The following GTF2IRD2B variants were observed in gnomAD, a reference collection of about 807,000 sequenced individuals.
GTF2IRD2B encodes the protein GTF2I repeat domain containing 2B, also known as general transcription factor II-I repeat domain-containing protein 2B.
In GTF2IRD2B, 10 loss-of-function variants were observed where a neutral mutation model predicts 55.6. That is an observed-to-expected ratio of 0.18 (90% confidence interval 0.11 to 0.31). GTF2IRD2B has a LOEUF of 0.31. Ranked by LOEUF, GTF2IRD2B falls within the 10% of genes least tolerant of loss-of-function variation. The pLI is 1.00. For synonymous variants in GTF2IRD2B, 107 were observed against 320.5 expected (o/e 0.33, Z 7.12); for missense variants, 206 against 802.7 (o/e 0.26, Z 8.98).
At chr7:75,127,391 C>T (rs1234614959) in intron 8 of GTF2IRD2B, among the ~76,000 whole-genome samples, 2 of 146,422 alleles carry the variant, frequency 1.4e-5, no homozygotes, top group Non-Finnish European at 3.0e-5. Context: ...ATCGCTTAAG[C>T]CCAGGAGGTT....
chr7:75,104,913 G>T (rs1415550247), intron 1 of GTF2IRD2B, among the ~76,000 whole-genome samples: 1 of 152,352 alleles, frequency 6.6e-6, no homozygotes, highest in African/African-American at 2.4e-5. Context: ...AAACAATACC[G>T]GCTGGGCGCG....
At chr7:75,135,102 T>A (rs1412261835) in intron 10 of GTF2IRD2B, 45 bp downstream of exon 10, 1 of 1,138,374 alleles carries the variant, frequency 8.8e-7, no homozygotes, top group African/African-American at 1.9e-5. Flanking sequence ...AAGAAAAGTT[T>A]ATAGAAGTTT....
At chr7:75,124,439 CA>C (rs1554452338) in intron 6 of GTF2IRD2B, among the ~76,000 whole-genome samples, 1 of 139,894 alleles carries the variant, frequency 7.1e-6, no homozygotes, top group Non-Finnish European at 1.6e-5. Flanking sequence ...AAGGAGACGG[CA>C]GGGGTGGGGG....
At chr7:75,103,456 G>A (rs1205500550) in intron 1 of GTF2IRD2B, among the ~76,000 whole-genome samples, 1 of 150,538 alleles carries the variant, frequency 6.6e-6, no homozygotes, top group Non-Finnish European at 1.5e-5. Context: ...GGTGTTCATT[G>A]TTAATTAATG....
At chr7:75,114,397 C>T (rs1808073243) in intron 3 of GTF2IRD2B, among the ~76,000 whole-genome samples, 1 of 151,090 alleles carries the variant, frequency 6.6e-6, no homozygotes, top group African/African-American at 2.4e-5. Context: ...TGTAATGAAA[C>T]TGTTCTGAAA....
intron 10 of GTF2IRD2B, among the ~76,000 whole-genome samples, chr7:75,136,145 G>GATAATAATA (rs55650303): frequency 9.7e-5 from 9 of 92,868 alleles, no homozygotes; most frequent in African/African-American, 2.5e-4. Flanking sequence ...TCTCAATAAT[G>GATAATAATA]ATAATAATAA....
chr7:75,137,838 G>GT (rs1297301678), intron 11 of GTF2IRD2B, among the ~76,000 whole-genome samples: 1 of 149,886 alleles, frequency 6.7e-6, no homozygotes, highest in Non-Finnish European at 1.5e-5. Flanking sequence ...GCATGCATCT[G>GT]TAGTCTCAGC....
At chr7:75,107,256 A>G (rs1408109086) in intron 1 of GTF2IRD2B, among the ~76,000 whole-genome samples, 2 of 152,060 alleles carry the variant, frequency 1.3e-5, no homozygotes, top group African/African-American at 4.8e-5. Context: ...TATATTCTAT[A>G]AAGTTAGCAT....
rs1554421597 is a variant in GTF2IRD2B, at chr7:75,103,925, G to A, written c.-5-5035G>A. 7.7e-4 allele frequency among the ~76,000 whole-genome samples: 114 copies of A among 148,692 alleles called. No individual in the cohort carries two copies. The East Asian group carries it at 0.018, about 23-fold the overall frequency. On this transcript the variant is annotated intron_variant, in intron 1 of 15. Transcript: ENST00000472837. ...CACACGCGTATAGTCCCAGCTACTC[G>A]GGAGGCTGAGGCAGGAGAATGGCGT...
At chr7:75,105,911 T>C (rs1239152638) in intron 1 of GTF2IRD2B, among the ~76,000 whole-genome samples, 2 of 152,422 alleles carry the variant, frequency 1.3e-5, no homozygotes, top group Non-Finnish European at 2.9e-5. Flanking sequence ...GGTGGTTCCA[T>C]ATGGAAAGTT....
intron 1 of GTF2IRD2B, among the ~76,000 whole-genome samples, chr7:75,104,590 G>A (rs1301181918): frequency 6.6e-6 from 1 of 152,216 alleles, no homozygotes; most frequent in African/African-American, 2.4e-5. Context: ...TCTCTCCCGG[G>A]GATGCTAAAG....
chr7:75,099,765 TA>T (rs1554449252), intron 1 of GTF2IRD2B, among the ~76,000 whole-genome samples: 1 of 140,328 alleles, frequency 7.1e-6, no homozygotes, highest in Non-Finnish European at 1.6e-5. Flanking sequence ...AATAAATAAA[TA>T]AATAAATAAA....
intron 15 of GTF2IRD2B, among the ~76,000 whole-genome samples, chr7:75,145,853 T>C (rs1403961811): frequency 1.7e-5 from 2 of 116,030 alleles, no homozygotes; most frequent in African/African-American, 3.4e-5. Flanking sequence ...TATTTATTTA[T>C]TGTATTATTA....
At chr7:75,132,679 C>T in intron 8 of GTF2IRD2B, among the ~76,000 whole-genome samples, 1 of 136,330 alleles carries the variant, frequency 7.3e-6, no homozygotes, top group Non-Finnish European at 1.5e-5. Flanking sequence ...CTCAGCCTCC[C>T]ATGTGGCTGG....
At chr7:75,105,849 T>C (rs1420830593) in intron 1 of GTF2IRD2B, among the ~76,000 whole-genome samples, 1 of 152,304 alleles carries the variant, frequency 6.6e-6, no homozygotes, top group Non-Finnish European at 1.5e-5. Flanking sequence ...CTGTTATGCG[T>C]TGGCTGTGAG....
At chr7:75,119,623 C>CAGCCTA (rs1282904407) in intron 3 of GTF2IRD2B, among the ~76,000 whole-genome samples, 1 of 148,300 alleles carries the variant, frequency 6.7e-6, no homozygotes, top group Non-Finnish European at 1.5e-5. Context: ...CACTGCACTC[C>CAGCCTA]AGCCTAGGTG....
intron 3 of GTF2IRD2B, among the ~76,000 whole-genome samples, chr7:75,115,526 C>G (rs1554451217): frequency 6.9e-6 from 1 of 144,748 alleles, no homozygotes; most frequent in Non-Finnish European, 1.5e-5. Context: ...TCGGTTCAAG[C>G]CATTCTCCTG....
At chr7:75,115,768 C>G (rs1350412180) in intron 3 of GTF2IRD2B, among the ~76,000 whole-genome samples, 2 of 150,814 alleles carry the variant, frequency 1.3e-5, no homozygotes, top group Non-Finnish European at 3.0e-5. Flanking sequence ...TTAATTTGTA[C>G]GAGAAATGCC....
chr7:75,101,893 C>A (rs1199873937), intron 1 of GTF2IRD2B, among the ~76,000 whole-genome samples: 874 of 77,972 alleles, frequency 0.011, no homozygotes, highest in African/African-American at 0.017. Flanking sequence ...GACCCCATCT[C>A]AAAAAAAAAA....
Sources: gnomAD v4.1 joint callset for allele counts (sites outside exome capture counted in the v4.1 genomes callset) on GRCh38, gnomAD v4.1.1 for gene constraint, MANE v1.5 for transcripts, NCBI Gene and HGNC (gene_info 2026-07-23, HGNC 2026-07-21) for gene names.